JMJD1C: variants seen among roughly 807,000 people sequenced by gnomAD.
The protein encoded by JMJD1C is jumonji domain-containing protein 1C.
JMJD1C carries 31 observed loss-of-function variants against 245.3 expected under a neutral mutation model. That is an observed-to-expected ratio of 0.13 (90% CI 0.09 to 0.17). The LOEUF (loss-of-function observed/expected upper bound fraction) is 0.17, where lower values mean the gene tolerates loss of function less well. Ranked by LOEUF, JMJD1C falls within the 10% of genes least tolerant of loss-of-function variation. The pLI is 1.00. For missense variants in JMJD1C, 2,691 were observed against 3,000.2 expected (o/e 0.90, Z 2.41); for synonymous variants, 1,057 against 1,017.4 (o/e 1.04, Z -0.74).
intron 3 of JMJD1C, chr10:63,222,549 G>C (rs1393804865): frequency 6.4e-7 from 1 of 1,550,590 alleles, no homozygotes; most frequent in African/African-American, 1.4e-5. Context: ...CTCAAATACT[G>C]TGAAAAACAG....
intron 1 of JMJD1C, among the ~76,000 whole-genome samples, chr10:63,515,579 G>T (rs1291204839): frequency 6.6e-6 from 1 of 152,096 alleles, no homozygotes. Flanking sequence ...TCTGATCCTC[G>T]GTTTCTGCTT....
intron 1 of JMJD1C, 91 bp downstream of exon 1, chr10:63,465,404 G>A: frequency 3.8e-6 from 5 of 1,317,426 alleles, no homozygotes; most frequent in Non-Finnish European, 4.1e-6. Flanking sequence ...TGGCCGGGCT[G>A]AGCGAGGCGC....
chr10:63,516,706 T>A (rs1697019822), intron 1 of JMJD1C, among the ~76,000 whole-genome samples: 1 of 152,244 alleles, frequency 6.6e-6, no homozygotes, highest in African/African-American at 2.4e-5. Context: ...ATAATGTCAA[T>A]TTCTTACTGT....
At chr10:63,339,794 CACAA>C (rs1156263575) in intron 2 of JMJD1C, among the ~76,000 whole-genome samples, 10 of 152,156 alleles carry the variant, frequency 6.6e-5, no homozygotes, top group African/African-American at 2.4e-4. Context: ...GATGTGGTCT[CACAA>C]ACATTTTGTA....
chr10:63,443,814 T>C (rs573377002), intron 1 of JMJD1C, among the ~76,000 whole-genome samples: 1 of 152,306 alleles, frequency 6.6e-6, no homozygotes, highest in Non-Finnish European at 1.5e-5. Context: ...TATCTAGAAG[T>C]CCACCAAGGG....
At chr10:63,285,453 C>T (rs530940751) in intron 2 of JMJD1C, among the ~76,000 whole-genome samples, 37 of 152,312 alleles carry the variant, frequency 2.4e-4, no homozygotes, top group African/African-American at 7.5e-4. Flanking sequence ...AGTCCATAAA[C>T]TTGCCGCAGA....
At chr10:63,494,971 A>G (rs560868730) in intron 1 of JMJD1C, among the ~76,000 whole-genome samples, 6 of 151,892 alleles carry the variant, frequency 4.0e-5, no homozygotes, top group African/African-American at 1.4e-4. Flanking sequence ...ATGTGAGAAG[A>G]CCCTCCTATA....
At chr10:63,308,126 G>A (rs1358320496) in intron 2 of JMJD1C, among the ~76,000 whole-genome samples, 1 of 151,998 alleles carries the variant, frequency 6.6e-6, no homozygotes, top group African/African-American at 2.4e-5. Flanking sequence ...ACTCCAGCCT[G>A]GACGACAGAG....
At chr10:63,186,585 C>G (rs960666221) in intron 18 of JMJD1C, among the ~76,000 whole-genome samples, 2 of 152,022 alleles carry the variant, frequency 1.3e-5, no homozygotes, top group Non-Finnish European at 1.5e-5. Context: ...AAATTTCGAG[C>G]CTAATGAGTT....
At chr10:63,335,151 A>G (rs1451391282) in intron 2 of JMJD1C, among the ~76,000 whole-genome samples, 2 of 152,164 alleles carry the variant, frequency 1.3e-5, no homozygotes, top group African/African-American at 4.8e-5. Flanking sequence ...GCAGTCTGAC[A>G]AAGTGCCTCT....
intron 19 of JMJD1C, 39 bp downstream of exon 19, chr10:63,186,176 A>C: frequency 7.1e-7 from 1 of 1,418,022 alleles, no homozygotes. Context: ...ATTTTGAAGG[A>C]GTATGATGGA....
intron 2 of JMJD1C, among the ~76,000 whole-genome samples, chr10:63,305,643 T>C (rs1303078349): frequency 1.1e-5 from 1 of 90,014 alleles, no homozygotes; most frequent in East Asian, 4.1e-4. Context: ...TGTGTGTGTG[T>C]GTGTGTGTGT....
Position 63,208,080 on chromosome 10 carries a change from G to A in JMJD1C, c.3589C>T (p.Leu1197Phe). The A allele has an allele frequency of 6.2e-7, 1 of 1,614,112 alleles. No homozygotes were observed. Among genetic ancestry groups the A allele is most frequent in the Non-Finnish European group, 8.5e-7 (1 of 1,179,984 alleles). ...THLTVSSTNT[L>F]RSMPALHRAP... ...CTATGTAATGCAGGCATACTGCGGA[G>A]TGTATTTGTAGAAGAAACTGTCAAA... is the stretch of plus-strand genomic sequence containing the variant. The change falls in exon 10 of 26, where the codon CTC becomes TTC. Residue 1197 changes from leucine to phenylalanine, a missense_variant. Leu to Phe is a conservative substitution (Grantham distance 22). This residue lies in a region of JMJD1C where 1,562 missense variants were observed against 1,490.7 expected (regional missense o/e 1.05). Transcript: ENST00000399262.
chr10:63,184,802 T>C (rs1342593620), intron 20 of JMJD1C, 64 bp from the exon 21 acceptor site: 18 of 1,471,318 alleles, frequency 1.2e-5, no homozygotes, highest in Non-Finnish European at 1.4e-5. Flanking sequence ...TTTTCACATA[T>C]ATAATTTTCA....
chr10:63,511,982 C>T (rs1293866533), intron 1 of JMJD1C, among the ~76,000 whole-genome samples: 2 of 152,160 alleles, frequency 1.3e-5, no homozygotes, highest in African/African-American at 4.8e-5. Flanking sequence ...TAAACACTTA[C>T]AACTCATTCA....
chr10:63,348,084 C>T (rs546077229), intron 2 of JMJD1C, among the ~76,000 whole-genome samples: 4 of 151,828 alleles, frequency 2.6e-5, no homozygotes, highest in South Asian at 2.1e-4. Flanking sequence ...GGTGTGGTGG[C>T]GCATGCTTGC....
At chr10:63,336,827 A>G (rs116496302) in intron 2 of JMJD1C, among the ~76,000 whole-genome samples, 103 of 152,160 alleles carry the variant, frequency 6.8e-4, no homozygotes, top group African/African-American at 2.4e-3. Context: ...TGCCCACTGC[A>G]TTCAACTCTA....
chr10:63,308,143 T>A (rs536974596), intron 2 of JMJD1C, among the ~76,000 whole-genome samples: 1 of 151,534 alleles, frequency 6.6e-6, no homozygotes, highest in East Asian at 1.9e-4. Flanking sequence ...AGAGTGAGAC[T>A]CCATCTCAAA....
intron 3 of JMJD1C, among the ~76,000 whole-genome samples, chr10:63,258,063 A>C (rs540963599): frequency 2.6e-5 from 4 of 152,284 alleles, no homozygotes; most frequent in African/African-American, 9.6e-5. Flanking sequence ...ATCCACGAAA[A>C]AGGTTTAAGA....
Sources: gnomAD v4.1 joint callset for allele counts (sites outside exome capture counted in the v4.1 genomes callset) on GRCh38, gnomAD v4.1.1 for gene constraint, gnomAD v4.1.1 regional missense constraint, MANE v1.5 for transcripts, NCBI Gene and HGNC (gene_info 2026-07-23, HGNC 2026-07-21) for gene names.